CHLSN: variants seen among roughly 807,000 people sequenced by gnomAD.
CHLSN encodes the protein cholesin.
chr7:1,122,046 G>A, the CHLSN span, among the ~76,000 whole-genome samples: 6 of 152,216 alleles, frequency 3.9e-5, no homozygotes, highest in African/African-American at 9.7e-5. Flanking sequence ...AGGCTCCGCC[G>A]GCTCGCAGCC....
the CHLSN span, among the ~76,000 whole-genome samples, chr7:1,079,138 G>T: frequency 6.6e-6 from 1 of 152,200 alleles, no homozygotes; most frequent in African/African-American, 2.4e-5. Context: ...GACCAGCAGG[G>T]CACAAAGGTG....
chr7:984,402 T>C, the CHLSN span: 3 of 1,545,786 alleles, frequency 1.9e-6, no homozygotes, highest in African/African-American at 4.1e-5. Context: ...ACCCCCGCCA[T>C]CCCTGCCAGC....
chr7:996,664 G>A, the CHLSN span, among the ~76,000 whole-genome samples: 16 of 152,238 alleles, frequency 1.1e-4, no homozygotes, highest in Admixed American at 2.6e-4. Context: ...GCTGCCCAGA[G>A]CTCTGCGGTC....
the CHLSN span, chr7:1,058,042 T>C: frequency 7.8e-6 from 6 of 768,928 alleles, no homozygotes; most frequent in Non-Finnish European, 1.2e-5. Context: ...ACCCGCGCGC[T>C]AGAGTGCGCC....
chr7:1,115,134 G>A, the CHLSN span, among the ~76,000 whole-genome samples: 1 of 152,336 alleles, frequency 6.6e-6, no homozygotes, highest in East Asian at 1.9e-4. Flanking sequence ...CTCATCTTTT[G>A]AGATAAATAA....
chr7:1,085,910 T>C, the CHLSN span, among the ~76,000 whole-genome samples: 1 of 152,092 alleles, frequency 6.6e-6, no homozygotes, highest in Non-Finnish European at 1.5e-5. Context: ...TGCCATGCCG[T>C]CACACATCAA....
At chr7:1,010,905 G>T in the CHLSN span, among the ~76,000 whole-genome samples, 1 of 151,562 alleles carries the variant, frequency 6.6e-6, no homozygotes, top group South Asian at 2.1e-4. Context: ...AAGGCCAGGA[G>T]CCCAGGGAAA....
At chr7:1,057,092 C>T in the CHLSN span, among the ~76,000 whole-genome samples, 2 of 152,174 alleles carry the variant, frequency 1.3e-5, no homozygotes, top group Admixed American at 6.5e-5. Flanking sequence ...TCCACATTGC[C>T]TGTCCCTCCC....
At chr7:1,133,757 A>AAG in the CHLSN span, among the ~76,000 whole-genome samples, 1 of 147,886 alleles carries the variant, frequency 6.8e-6, no homozygotes, top group East Asian at 2.0e-4. Context: ...ATCTCAAAAA[A>AAG]AAAAAAAAAC....
At chr7:1,109,302 A>C in the CHLSN span, 1 of 152,160 alleles carries the variant, frequency 6.6e-6, no homozygotes, top group Non-Finnish European at 1.5e-5. Context: ...ACAAGCATGT[A>C]TTTGTTTTAA....
chr7:1,125,711 C>T, the CHLSN span, among the ~76,000 whole-genome samples: 6 of 152,368 alleles, frequency 3.9e-5, no homozygotes, highest in South Asian at 2.1e-4. Context: ...TGTGGAAACC[C>T]GCTTTCTCTC....
chr7:1,049,713 G>A, the CHLSN span, among the ~76,000 whole-genome samples: 5 of 152,240 alleles, frequency 3.3e-5, no homozygotes, highest in African/African-American at 9.6e-5. Flanking sequence ...ATGTCAGGTA[G>A]AAGGAATTAG....
chr7:990,808 G>C, the CHLSN span, among the ~76,000 whole-genome samples: 1 of 152,170 alleles, frequency 6.6e-6, no homozygotes, highest in South Asian at 2.1e-4. Context: ...CTGGCGCCAG[G>C]TGGGGCCACG....
chr7:1,013,968 C>T, the CHLSN span, among the ~76,000 whole-genome samples: 1 of 152,246 alleles, frequency 6.6e-6, no homozygotes, highest in Non-Finnish European at 1.5e-5. Context: ...GCAGGACCTG[C>T]ACCCACACAG....
chr7:1,051,472 C>T, the CHLSN span, among the ~76,000 whole-genome samples: 12 of 152,258 alleles, frequency 7.9e-5, no homozygotes, highest in African/African-American at 2.9e-4. Context: ...GCCCTGGGCT[C>T]TGACACTCTC....
chr7:1,028,456 CGCGGGGGTGGGAGAGCCGGG>C, the CHLSN span: 1 of 985,368 alleles, frequency 1.0e-6, no homozygotes, highest in Admixed American at 6.2e-5. Context: ...TGGACCTCGG[CGCGGGGGTGGGAGAGCCGGG>C]GCGGGGCCTC....
chr7:1,016,581 G>GCACACAGCAC, the CHLSN span, among the ~76,000 whole-genome samples: 1 of 134,076 alleles, frequency 7.5e-6, no homozygotes, highest in African/African-American at 3.1e-5. Context: ...GTACACAGCA[G>GCACACAGCAC]CACACAGCAC....
the CHLSN span, chr7:1,087,274 G>A: frequency 6.6e-6 from 1 of 152,234 alleles, no homozygotes; most frequent in Non-Finnish European, 1.5e-5. Context: ...CAGCGAGCGC[G>A]GGAGGAGGGA....
the CHLSN span, among the ~76,000 whole-genome samples, chr7:1,021,844 G>A: frequency 6.6e-5 from 10 of 152,374 alleles, no homozygotes; most frequent in East Asian, 1.9e-4. Flanking sequence ...ACTGGGATGC[G>A]CGCCCTTCCG....
Sources: allele counts gnomAD v4.1 joint callset (sites outside exome capture counted in the v4.1 genomes callset), GRCh38; gene constraint gnomAD v4.1.1; transcripts MANE v1.5; gene names NCBI Gene and HGNC (gene_info 2026-07-23, HGNC 2026-07-21).